The following RNF2 variants were observed in gnomAD, a reference collection of about 807,000 sequenced individuals.
The protein encoded by RNF2 is E3 ubiquitin-protein ligase RING2.
In RNF2, 6 loss-of-function variants were observed where a neutral mutation model predicts 37.2. The observed-to-expected ratio is 0.16, with a 90% CI of 0.09 to 0.32. The LOEUF (loss-of-function observed/expected upper bound fraction) is 0.32. RNF2 is among the 10% of genes least tolerant of loss of function. The pLI is 1.00. For missense variants in RNF2, 251 were observed against 404.0 expected, an observed-to-expected ratio of 0.62 and a Z score of 3.25; for synonymous variants, 133 against 132.7, an observed-to-expected ratio of 1.00 and a Z score of -0.02.
At chr1:185,050,391 C>T (rs1014940310) in intron 1 of RNF2, among the ~76,000 whole-genome samples, 42 of 152,334 alleles carry the variant, frequency 2.8e-4, no homozygotes, top group African/African-American at 9.6e-4. Flanking sequence ...ATCTTCTATC[C>T]TGATTAAATC....
chr1:185,049,638 G>A (rs1650216859), intron 1 of RNF2, among the ~76,000 whole-genome samples: 1 of 148,176 alleles, frequency 6.7e-6, no homozygotes, highest in Admixed American at 6.7e-5. Context: ...TCAACAGAAA[G>A]GATTTAATAT....
chr1:185,099,654 T>G (rs1271393532), intron 5 of RNF2, 137 bp from the exon 6 acceptor site: 9 of 710,978 alleles, frequency 1.3e-5, no homozygotes, highest in Non-Finnish European at 2.1e-5. Context: ...GCAGTAAATT[T>G]CTGATATTAT....
intron 1 of RNF2, among the ~76,000 whole-genome samples, chr1:185,058,431 C>T (rs139991078): frequency 2.0e-5 from 3 of 152,210 alleles, no homozygotes; most frequent in African/African-American, 7.2e-5. Flanking sequence ...GAGTTCCTTA[C>T]TTTCATCAGA....
chr1:185,049,190 C>G (rs1403137928), intron 1 of RNF2, among the ~76,000 whole-genome samples: 1 of 152,136 alleles, frequency 6.6e-6, no homozygotes, highest in African/African-American at 2.4e-5. Context: ...GCACTGCATC[C>G]TGGGTGACGG....
chr1:185,080,232 A>C (rs1651306151), intron 1 of RNF2, among the ~76,000 whole-genome samples: 1 of 152,076 alleles, frequency 6.6e-6, no homozygotes, highest in African/African-American at 2.4e-5. Flanking sequence ...TACATAGGTG[A>C]CTCTCAGATA....
chr1:185,076,330 G>A (rs1463756997), intron 1 of RNF2, among the ~76,000 whole-genome samples: 37 of 89,080 alleles, frequency 4.2e-4, no homozygotes, highest in African/African-American at 1.4e-3. Context: ...TCATTCTGTC[G>A]CCCAGGCTGG....
At chr1:185,069,610 A>C (rs1045821391) in intron 1 of RNF2, among the ~76,000 whole-genome samples, 1 of 152,198 alleles carries the variant, frequency 6.6e-6, no homozygotes. Context: ...GGCCATGTAG[A>C]TTCTGTATAC....
intron 1 of RNF2, among the ~76,000 whole-genome samples, chr1:185,087,125 A>G (rs1051090654): frequency 2.3e-4 from 35 of 152,340 alleles, no homozygotes; most frequent in African/African-American, 7.9e-4. Context: ...AAGATTAACA[A>G]TTCCTAAAAA....
intron 1 of RNF2, among the ~76,000 whole-genome samples, chr1:185,076,222 C>T (rs570067894): frequency 1.5e-3 from 170 of 111,070 alleles, no homozygotes; most frequent in Non-Finnish European, 2.8e-3. Flanking sequence ...GGTATTGTAT[C>T]TTGCTTTTAG....
intron 6 of RNF2, 43 bp from the exon 7 acceptor site, chr1:185,100,157 G>T: frequency 1.4e-6 from 2 of 1,441,184 alleles, no homozygotes; most frequent in Non-Finnish European, 1.9e-6. Flanking sequence ...TATTATTGTG[G>T]TTTGTGCAGT....
rs1199093397 is a variant in RNF2, at chr1:185,100,214, T to A, written c.924T>A (p.Ser308=). ...ASGQFTVLNG[S]FSLELVSEKY... is the part of the protein sequence containing the mutation. ...TTTTGTTTTAGGTATTAAATGGCTC[T>A]TTTTCTTTGGAATTGGTCAGTGAGA... Residue 308 remains serine (S), a synonymous_variant, in exon 7 of 7, where the codon TCT becomes TCA. Coordinates refer to ENST00000367510, the MANE Select transcript of RNF2 (RefSeq NM_007212.4). 6.2e-7 allele frequency: 1 copy of A among 1,602,542 alleles called. No homozygotes were observed. The highest frequency in any genetic ancestry group is 1.3e-5 in the African/African-American group (1 of 74,236).
chr1:185,060,560 T>A (rs1470223967), intron 1 of RNF2, among the ~76,000 whole-genome samples: 1 of 152,222 alleles, frequency 6.6e-6, no homozygotes, highest in African/African-American at 2.4e-5. Flanking sequence ...AAGGTAGTCC[T>A]TTATAAGAAT....
chr1:185,049,240 A>G (rs1246521424), intron 1 of RNF2, among the ~76,000 whole-genome samples: 1 of 152,186 alleles, frequency 6.6e-6, no homozygotes, highest in African/African-American at 2.4e-5. Flanking sequence ...ATCTCATGCC[A>G]CACTATCAGA....
chr1:185,099,984 C>T lies in RNF2; in HGVS notation c.909+22C>T, dbSNP rs374875148. On this transcript the variant is annotated intron_variant, in intron 6 of 6. Transcript: ENST00000367510. ...CACTGTGAGTATTTAAAATAATAGACTGTTGAAACTGGGAGCACACTGACC... is the reference window on the plus strand; with the variant it reads ...CACTGTGAGTATTTAAAATAATAGATTGTTGAAACTGGGAGCACACTGACC... The T allele has an allele frequency of 8.8e-6, 14 of 1,593,542 alleles. No homozygotes were observed. In the African/African-American group the frequency reaches 1.2e-4, roughly 14 times the overall value.
intron 1 of RNF2, among the ~76,000 whole-genome samples, chr1:185,057,186 C>A (rs769560921): frequency 6.6e-6 from 1 of 152,068 alleles, no homozygotes; most frequent in Admixed American, 6.6e-5. Flanking sequence ...TGGTGCACAC[C>A]TGTAGTCCCA....
In RNF2 at chr1:185,100,256, C is replaced by T. The variant is rs148949992; in HGVS notation, c.966C>T (p.Asn322=). 2.9e-4 allele frequency: 472 copies of T among 1,612,394 alleles called. No homozygotes were observed. The African/African-American group carries it at 5.7e-3, about 19-fold the overall frequency. ...TCAGTGAGAAATACTGGAAAGTGAA[C>T]AAACCCATGGAACTTTATTACGCAC... ...ELVSEKYWKV[N]KPMELYYAPT... is the part of the protein sequence containing the mutation. The change falls in exon 7 of 7, where the codon AAC becomes AAT. Residue 322 remains asparagine, a synonymous_variant. Coordinates refer to ENST00000367510, the MANE Select transcript of RNF2 (RefSeq NM_007212.4).
At chr1:185,086,592 C>G (rs1651607261) in intron 1 of RNF2, among the ~76,000 whole-genome samples, 1 of 152,094 alleles carries the variant, frequency 6.6e-6, no homozygotes, top group African/African-American at 2.4e-5. Flanking sequence ...TACCACTTTC[C>G]AAATATTTGA....
chr1:185,093,156 C>T lies in RNF2; in HGVS notation c.344C>T (p.Pro115Leu), dbSNP rs1446686346. Residue 115 changes from proline to leucine, a missense_variant, in exon 4 of 7, where the codon CCA (proline) becomes CTA (leucine). Physicochemically the swap from Pro to Leu is moderately conservative, Grantham distance 98 (BLOSUM62 -3). Coordinates refer to ENST00000367510, the MANE Select transcript of RNF2 (RefSeq NM_007212.4). The part of the protein sequence containing the change: ...NFDALISKIY[P>L]SRDEYEAHQE... ...GATGCACTCATCAGCAAAATTTATCCAAGTCGTGATGAGTATGAAGCTCAT... is the reference window on the plus strand; with the variant it reads ...GATGCACTCATCAGCAAAATTTATCTAAGTCGTGATGAGTATGAAGCTCAT... The T allele has an allele frequency of 6.2e-7, 1 of 1,613,808 alleles. No homozygotes were observed. Among genetic ancestry groups the T allele is most frequent in the Non-Finnish European group, 8.5e-7 (1 of 1,179,928 alleles).
chr1:185,053,783 G>A lies in RNF2; in HGVS notation c.-3+8134G>A, dbSNP rs75953491. On this transcript the variant is annotated intron_variant, in intron 1 of 6. Transcript: ENST00000367510. ...GGCTCTCAATAAATATCTAAAAGGA[G>A]TAGTGCACGTGACATTAAGTAGTAT... 5.6e-3 allele frequency among the ~76,000 whole-genome samples: 847 copies of A among 152,246 alleles called. 30 individuals carry two copies. In the East Asian group the frequency reaches 0.084, roughly 15 times the overall value.
Sources: gnomAD v4.1 joint callset for allele counts (sites outside exome capture counted in the v4.1 genomes callset) on GRCh38, gnomAD v4.1.1 for gene constraint, MANE v1.5 for transcripts, NCBI Gene and HGNC (gene_info 2026-07-23, HGNC 2026-07-21) for gene names.